Variants in CD2AP observed in about 807,000 individuals in gnomAD.
CD2AP encodes the protein CD2-associated protein.
CD2AP carries 46 observed loss-of-function variants against 85.1 expected under a neutral mutation model. The observed-to-expected ratio is 0.54, with a 90% CI of 0.43 to 0.69. The LOEUF (loss-of-function observed/expected upper bound fraction) is 0.69, where lower values mean the gene tolerates loss of function less well. Among genes scored for constraint, CD2AP ranks in the 30% least tolerant of loss-of-function variants. CD2AP has a pLI of 0.00. For missense variants in CD2AP, 769 were observed against 729.5 expected, an observed-to-expected ratio of 1.05 and a Z score of -0.62; for synonymous variants, 255 against 252.9, an observed-to-expected ratio of 1.01 and a Z score of -0.08.
intron 15 of CD2AP, among the ~76,000 whole-genome samples, 182 bp downstream of exon 15, chr6:47,608,210 G>A (rs529250935): frequency 6.6e-6 from 1 of 152,218 alleles, no homozygotes; most frequent in South Asian, 2.1e-4. Context: ...GTTTTTGAAA[G>A]AGCTTACATT....
At chr6:47,562,772 T>C in intron 5 of CD2AP, 1 of 1,048,438 alleles carries the variant, frequency 9.5e-7, no homozygotes, top group Non-Finnish European at 1.5e-6. Context: ...CATGTTTGTG[T>C]GCTTGCATCC....
chr6:47,529,191 C>T lies in CD2AP; in HGVS notation c.166-4411C>T, dbSNP rs1033188835. ...TATTTAACTCTAGTACTGCCCCCCC[C>T]CCCCCCCCCAACTTATTGCACTATG... On this transcript the variant is annotated intron_variant, in intron 2 of 17. Transcript: ENST00000359314. 1.0e-3 allele frequency among the ~76,000 whole-genome samples: 117 copies of T among 111,994 alleles called. 9 individuals carry two copies. Among genetic ancestry groups the T allele is most frequent in the African/African-American group, 3.9e-3 (108 of 27,490 alleles). The allele number at this position is 111,994 out of a possible 152,430, so 73.5% of individuals were successfully genotyped here. A position where few individuals can be genotyped will look rare whatever the true frequency, so the allele number is the denominator to read the frequency against.
intron 11 of CD2AP, among the ~76,000 whole-genome samples, chr6:47,585,109 C>T (rs576375023): frequency 6.6e-6 from 1 of 150,904 alleles, no homozygotes; most frequent in Non-Finnish European, 1.5e-5. Context: ...CTGGCTAACA[C>T]GGTGAAACCC....
At chr6:47,526,405 G>A (rs762767931) in intron 2 of CD2AP, among the ~76,000 whole-genome samples, 13 of 152,186 alleles carry the variant, frequency 8.5e-5, no homozygotes, top group Non-Finnish European at 1.5e-4. Flanking sequence ...TCAGTTGGCA[G>A]TATGTATTTG....
At chr6:47,599,480 A>T (rs1400035379) in intron 13 of CD2AP, 37 bp downstream of exon 13, 1 of 1,589,640 alleles carries the variant, frequency 6.3e-7, no homozygotes, top group Admixed American at 1.7e-5. Context: ...CATTTAAAAA[A>T]AAAAATTGTC....
At chr6:47,528,962 C>T (rs1045469714) in intron 2 of CD2AP, among the ~76,000 whole-genome samples, 2 of 152,124 alleles carry the variant, frequency 1.3e-5, no homozygotes, top group African/African-American at 4.8e-5. Context: ...TTCTCACTCT[C>T]TTGATACGTT....
chr6:47,545,977 T>A, intron 4 of CD2AP, among the ~76,000 whole-genome samples: 1 of 151,830 alleles, frequency 6.6e-6, no homozygotes, highest in East Asian at 1.9e-4. Context: ...TCACACTAGC[T>A]CACCAGCAAG....
chr6:47,509,296 C>T (rs751671676), intron 2 of CD2AP, among the ~76,000 whole-genome samples: 4 of 152,004 alleles, frequency 2.6e-5, no homozygotes, highest in Non-Finnish European at 5.9e-5. Flanking sequence ...TCACAGATCA[C>T]CATAACAGAT....
At chr6:47,563,242 A>G (rs1377389294) in intron 5 of CD2AP, among the ~76,000 whole-genome samples, 2 of 152,172 alleles carry the variant, frequency 1.3e-5, no homozygotes, top group Non-Finnish European at 2.9e-5. Context: ...GGGGAAGACA[A>G]ATGTGAAGTA....
chr6:47,564,392 C>A (rs1767938999), intron 5 of CD2AP, among the ~76,000 whole-genome samples: 1 of 152,030 alleles, frequency 6.6e-6, no homozygotes, highest in Admixed American at 6.6e-5. Flanking sequence ...TTGTATGGGA[C>A]CACCAGCACA....
chr6:47,561,690 G>T (rs906371704), intron 5 of CD2AP, among the ~76,000 whole-genome samples: 1 of 152,040 alleles, frequency 6.6e-6, no homozygotes. Context: ...ATACCAGAAG[G>T]TATATTTTCA....
chr6:47,623,973 A>G (rs561583614), intron 17 of CD2AP, among the ~76,000 whole-genome samples: 1 of 152,214 alleles, frequency 6.6e-6, no homozygotes, highest in East Asian at 1.9e-4. Flanking sequence ...AAGGGCTATA[A>G]TTGCTTTTTT....
intron 2 of CD2AP, among the ~76,000 whole-genome samples, chr6:47,520,036 A>C (rs1474512452): frequency 2.6e-5 from 4 of 152,170 alleles, no homozygotes; most frequent in Admixed American, 2.6e-4. Flanking sequence ...AAATTTTGTT[A>C]GGTCTTTTTT....
intron 1 of CD2AP, among the ~76,000 whole-genome samples, chr6:47,486,028 G>A (rs1939946156): frequency 1.3e-5 from 2 of 152,160 alleles, no homozygotes; most frequent in South Asian, 4.1e-4. Context: ...GCACTTTTAA[G>A]TGTGGTGATA....
At chr6:47,612,584 C>A in intron 17 of CD2AP, 48 bp downstream of exon 17, 1 of 1,342,870 alleles carries the variant, frequency 7.4e-7, no homozygotes, top group Non-Finnish European at 1.1e-6. Context: ...ATAAACTGGA[C>A]ATGTTTTTCC....
chr6:47,568,596 T>G (rs1046363750), intron 5 of CD2AP, among the ~76,000 whole-genome samples: 1 of 151,958 alleles, frequency 6.6e-6, no homozygotes, highest in African/African-American at 2.4e-5. Flanking sequence ...CAAAAAAAAT[T>G]AGCTGGGCAT....
At chr6:47,578,011 T>C (rs1768358993) in intron 8 of CD2AP, among the ~76,000 whole-genome samples, 1 of 150,274 alleles carries the variant, frequency 6.7e-6, no homozygotes, top group Non-Finnish European at 1.5e-5. Context: ...GTGAAGCAAA[T>C]TGACATCTGT....
chr6:47,623,063 A>C (rs748193477), intron 17 of CD2AP, among the ~76,000 whole-genome samples: 2 of 152,242 alleles, frequency 1.3e-5, no homozygotes, highest in Non-Finnish European at 2.9e-5. Flanking sequence ...CTCAATCCAA[A>C]TTGAAGACAG....
chr6:47,500,335 C>CT (rs1305172145), intron 1 of CD2AP, among the ~76,000 whole-genome samples: 3 of 152,180 alleles, frequency 2.0e-5, no homozygotes, highest in Non-Finnish European at 4.4e-5. Context: ...AATTTCTGGT[C>CT]TTTTTGAGGT....
Sources: allele counts gnomAD v4.1 joint callset (sites outside exome capture counted in the v4.1 genomes callset), GRCh38; gene constraint gnomAD v4.1.1; transcripts MANE v1.5; gene names NCBI Gene and HGNC (gene_info 2026-07-23, HGNC 2026-07-21).